The following SLC35B1 variants were observed in gnomAD, a reference collection of about 807,000 sequenced individuals.
The protein encoded by SLC35B1 is ATP/ADP exchanger ER.
SLC35B1 carries 27 observed loss-of-function variants against 36.6 expected under a neutral mutation model. The observed-to-expected ratio is 0.74, with a 90% confidence interval of 0.54 to 1.02. SLC35B1 has a LOEUF of 1.02. Among genes scored for constraint, SLC35B1 ranks in the 50% least tolerant of loss-of-function variants. SLC35B1 has a pLI of 0.00. For synonymous variants in SLC35B1, 162 were observed against 152.5 expected (o/e 1.06, Z -0.46); for missense variants, 321 against 383.2 (o/e 0.84, Z 1.35).
In SLC35B1 at chr17:49,703,287, C is replaced by G; in HGVS notation, c.663G>C (p.Leu221=). The change falls in exon 7 of 9, where the codon CTG becomes CTC. Residue 221 remains leucine (L), a synonymous_variant. Transcript: ENST00000240333. ...AGAACTCCCAGAGCTCCCCAGTGAA[C>G]AGGATTCCTGAGAAGACATGTCAAC... ...WSTLLLGMGI[L]FTGELWEFLS... 1 of 1,611,684 alleles carries G rather than the reference C, an allele frequency of 6.2e-7. No homozygotes were observed. The highest frequency in any genetic ancestry group is 1.3e-5 in the African/African-American group (1 of 74,904).
rs756718931 is a variant in SLC35B1 at position 49,702,867 on chromosome 17, C to A, written c.907G>T (p.Val303Leu). The A allele has an allele frequency of 6.2e-7, 1 of 1,613,978 alleles. No individual in the cohort carries two copies. The highest frequency in any genetic ancestry group is 2.2e-5 in the East Asian group (1 of 44,874). ...SPMQWVGTVL[V>L]FLGLGLDAKF... ...CTGTGTGGCCACTTACCCAGGAACA[C>A]AAGCACAGTGCCCACCCACTGCATG... The change falls in exon 8 of 9, where the codon GTG becomes TTG. Residue 303 changes from valine (V) to leucine (L), a missense_variant. Transcript: ENST00000240333.
chr17:49,706,122 T>TTTTTAA, intron 3 of SLC35B1, 82 bp downstream of exon 3: 1 of 1,239,698 alleles, frequency 8.1e-7, no homozygotes, highest in Non-Finnish European at 1.1e-6. Flanking sequence ...TTTTTTTTTT[T>TTTTTAA]AACTCACAGA....
At chr17:49,703,036 C>T (rs779656757) in intron 7 of SLC35B1, 25 bp from the exon 8 acceptor site, 93 of 1,613,574 alleles carry the variant, frequency 5.8e-5, no homozygotes, top group Non-Finnish European at 7.5e-5. Flanking sequence ...AGGTGAGGTC[C>T]GGTGGGCTTC....
At chr17:49,703,978 A>T in intron 6 of SLC35B1, 122 bp downstream of exon 6, 1 of 1,335,902 alleles carries the variant, frequency 7.5e-7, no homozygotes, top group Non-Finnish European at 1.1e-6. Flanking sequence ...GCTTGAACAA[A>T]AGGGCATCTT....
In SLC35B1 at chr17:49,706,346, C is replaced by CAAAAAAAAAAAAAAAAAAGAAAAAAA. The variant is rs2073417529; in HGVS notation, c.209-13_209-12insTTTTTTTCTTTTTTTTTTTTTTTTTT. The CAAAAAAAAAAAAAAAAAAGAAAAAAA allele has an allele frequency of 1.2e-5, 9 of 733,604 alleles. No homozygotes were observed. Among genetic ancestry groups the CAAAAAAAAAAAAAAAAAAGAAAAAAA allele is most frequent in the African/African-American group, 9.7e-5 (3 of 31,000 alleles). The allele number at this position is 733,604 out of a possible 1,614,324, so 45.4% of individuals were successfully genotyped here. ...AAAAAACTGGATCACTGGGAGAAGA[C>CAAAAAAAAAAAAAAAAAAGAAAAAAA]AAAAAAAAAAAAAAAAAAAGAAAAG... is the stretch of plus-strand genomic sequence containing the variant. On this transcript the variant is annotated splice_polypyrimidine_tract_variant and intron_variant, in intron 2 of 8. Transcript: ENST00000240333.
At chr17:49,701,594 T>C (rs2073351956) in intron 8 of SLC35B1, 84 bp from the exon 9 acceptor site, 1 of 1,079,030 alleles carries the variant, frequency 9.3e-7, no homozygotes, top group African/African-American at 1.6e-5. Flanking sequence ...GTAGTCGGCC[T>C]TGTATCTCCA....
intron 6 of SLC35B1, 108 bp from the exon 7 acceptor site, chr17:49,703,402 A>AGG (rs2073377468): frequency 1.3e-6 from 1 of 756,358 alleles, no homozygotes; most frequent in Non-Finnish European, 2.3e-6. Flanking sequence ...GGCCTGTTAA[A>AGG]GAACTGCAAG....
intron 5 of SLC35B1, 21 bp from the exon 6 acceptor site, chr17:49,704,247 C>A (rs375103437): frequency 3.1e-6 from 5 of 1,611,210 alleles, no homozygotes; most frequent in Non-Finnish European, 4.2e-6. Flanking sequence ...AAGGGTGCAG[C>A]CTGCAGTGAA....
At chr17:49,707,567 G>A (rs566747583) in intron 1 of SLC35B1, 163 bp downstream of exon 1, 6 of 1,473,590 alleles carry the variant, frequency 4.1e-6, no homozygotes, top group South Asian at 1.4e-5. Flanking sequence ...TGGAGTTCTG[G>A]AATTCTGGGT....
Position 49,707,742 on chromosome 17 carries a change from A to G in SLC35B1, c.92T>C (p.Leu31Pro). 1 of 1,578,036 alleles carries G rather than the reference A, an allele frequency of 6.3e-7. No individual in the cohort carries two copies. The change falls in exon 1 of 9, where the codon CTG (leucine) becomes CCG (proline). Residue 31 changes from leucine to proline, a missense_variant. Leu to Pro is a moderately conservative substitution (Grantham distance 98). Transcript: ENST00000240333. ...VFVCYFYYGILQEKITRGKYG... is the reference protein window; with the variant it reads ...VFVCYFYYGIPQEKITRGKYG... Reference sequence around the variant, plus strand: ...CGGGGTCGCTCACATCTTTTCCTGCAGGATCCCATAGTAAAAATAGCAGAC... The same window carrying G: ...CGGGGTCGCTCACATCTTTTCCTGCGGGATCCCATAGTAAAAATAGCAGAC...
At chr17:49,704,418 C>G (rs542688874) in intron 5 of SLC35B1, among the ~76,000 whole-genome samples, 192 bp from the exon 6 acceptor site, 1 of 151,190 alleles carries the variant, frequency 6.6e-6, no homozygotes, top group East Asian at 1.9e-4. Context: ...CCCCGCCCCC[C>G]GGCCCACGCA....
intron 1 of SLC35B1, chr17:49,707,501 G>T: frequency 6.8e-7 from 1 of 1,475,064 alleles, no homozygotes; most frequent in South Asian, 1.3e-5. Flanking sequence ...AACCAAGCGG[G>T]GAAAAACAGC....
At position 49,704,180 on chromosome 17, in the gene SLC35B1, T is replaced by A. The variant is rs768761569; in HGVS notation, c.575A>T (p.His192Leu). The change falls in exon 6 of 9, where the codon CAC becomes CTC. Residue 192 changes from histidine (H) to leucine (L), a missense_variant. Coordinates refer to ENST00000240333, the MANE Select transcript of SLC35B1 (RefSeq NM_005827.4). ...GCCTGTTTGGTAATGAGCCCGCATG[T>A]GGTCCTGGGAAACACCAGTCAGTCC... ...LDGLTGVSQD[H>L]MRAHYQTGSN... 1 of 1,614,122 alleles carries A rather than the reference T, an allele frequency of 6.2e-7. No individual in the cohort carries two copies. The highest frequency in any genetic ancestry group is 1.1e-5 in the South Asian group (1 of 91,084).
chr17:49,707,535 C>T (rs1598013208), intron 1 of SLC35B1, 195 bp downstream of exon 1: 1 of 1,490,644 alleles, frequency 6.7e-7, no homozygotes. Flanking sequence ...TAACCAAGTC[C>T]GAAGAATCCA....
Position 49,701,448 on chromosome 17 carries a change from C to CT in SLC35B1, c.*9dup. 6.2e-7 allele frequency: 1 copy of CT among 1,607,858 alleles called. No individual in the cohort carries two copies. Among genetic ancestry groups the CT allele is most frequent in the Non-Finnish European group, 8.5e-7 (1 of 1,174,454 alleles). On this transcript the variant is annotated 3_prime_UTR_variant, in exon 9 of 9. Transcript: ENST00000240333. ...TAAATATTCTTGATGTGGAGGTAGT[C>CT]TCTCTCTTCCTAGTGGGATGTCTTC... is the stretch of plus-strand genomic sequence containing the variant.
At chr17:49,702,707 A>C (rs965788366) in intron 8 of SLC35B1, 151 bp downstream of exon 8, 6 of 764,516 alleles carry the variant, frequency 7.8e-6, no homozygotes, top group African/African-American at 1.8e-5. Context: ...GTACCACTGC[A>C]CTCACTCCAG....
upstream of SLC35B1, chr17:49,708,148 A>G: frequency 1.4e-6 from 1 of 692,950 alleles, no homozygotes; most frequent in Non-Finnish European, 2.6e-6. Flanking sequence ...GATTTTTCCA[A>G]TCAGGCAACT....
intron 6 of SLC35B1, 58 bp from the exon 7 acceptor site, chr17:49,703,352 A>G (rs79789286): frequency 0.096 from 29,615 of 309,478 alleles, 1,108 homozygotes; most frequent in African/African-American, 0.25. Flanking sequence ...ATGTGCGCAC[A>G]CACACACACA....
At chr17:49,703,389 C>T (rs2073377142) in intron 6 of SLC35B1, 95 bp from the exon 7 acceptor site, 1 of 815,372 alleles carries the variant, frequency 1.2e-6, no homozygotes, top group Non-Finnish European at 2.1e-6. Context: ...CACTCCTGCA[C>T]ATGGCCTGTT....
Sources: allele counts gnomAD v4.1 joint callset (sites outside exome capture counted in the v4.1 genomes callset), GRCh38; gene constraint gnomAD v4.1.1; transcripts MANE v1.5; gene names NCBI Gene and HGNC (gene_info 2026-07-23, HGNC 2026-07-21).